The following CNGB3 variants were observed in gnomAD, a reference collection of about 807,000 sequenced individuals.
The protein encoded by CNGB3 is cyclic nucleotide-gated channel beta-3.
Under a neutral mutation model 92.8 loss-of-function variants are expected in CNGB3, and 86 were observed. The observed-to-expected ratio is 0.93, with a 90% CI of 0.78 to 1.11. The LOEUF (loss-of-function observed/expected upper bound fraction) is 1.11, where lower values mean the gene tolerates loss of function less well. Among genes scored for constraint, CNGB3 ranks in the 50% least tolerant of loss-of-function variants. The pLI is 0.00. For synonymous variants in CNGB3, 333 were observed against 332.7 expected (o/e 1.00, Z -0.01); for missense variants, 1,026 against 956.8 (o/e 1.07, Z -0.95).
At position 86,579,187 on chromosome 8, in the gene CNGB3, A is replaced by C; in HGVS notation, c.1847T>G (p.Leu616Arg). ...GAGGGTCTTTTTGTCTAGAGTTAAA[A>C]GATTGGCAAACCCGTGGGCCACCAC... ...ANVVAHGFAN[L>R]LTLDKKTLQE... Residue 616 changes from leucine to arginine, a missense_variant, in exon 16 of 18, where the codon CTT (leucine) becomes CGT (arginine). By Grantham distance (102) the Leu-to-Arg change is moderately radical (BLOSUM62 -2). Coordinates refer to ENST00000320005, the MANE Select transcript of CNGB3 (RefSeq NM_019098.5). The C allele has an allele frequency of 6.2e-7, 1 of 1,614,210 alleles. No homozygotes were observed. The highest frequency in any genetic ancestry group is 1.1e-5 in the South Asian group (1 of 91,088).
intron 10 of CNGB3, among the ~76,000 whole-genome samples, chr8:86,641,955 A>G (rs1823196390): frequency 6.6e-6 from 1 of 151,984 alleles, no homozygotes; most frequent in East Asian, 1.9e-4. Flanking sequence ...ACACTAGCAC[A>G]CTTGAAGTTT....
At chr8:86,697,676 T>C (rs1824473736) in intron 3 of CNGB3, among the ~76,000 whole-genome samples, 1 of 152,256 alleles carries the variant, frequency 6.6e-6, no homozygotes, top group South Asian at 2.1e-4. Context: ...AGTTCTAGGG[T>C]ACATGTGCAC....
chr8:86,661,527 G>C, intron 6 of CNGB3: 1 of 673,822 alleles, frequency 1.5e-6, no homozygotes, highest in Admixed American at 1.9e-5. Context: ...ACATTTAAAT[G>C]GCCTTGACTT....
At position 86,656,723 on chromosome 8, in the gene CNGB3, A is replaced by AC. The variant is rs554206482; in HGVS notation, c.853-2662dup. ...GTATTTACCTCTTCTTTCTGCTCCC[A>AC]CCCCCCCAACCAAAATGGCTAAATC... On this transcript the variant is annotated intron_variant, in intron 6 of 17. Coordinates refer to ENST00000320005, the MANE Select transcript of CNGB3 (RefSeq NM_019098.5). Among the ~76,000 whole-genome samples the AC allele has an allele frequency of 1.7e-4, 26 of 151,660 alleles. No homozygotes were observed. In the South Asian group the frequency reaches 1.9e-3, roughly 11 times the overall value.
chr8:86,704,557 A>G (rs1178676086), intron 3 of CNGB3, among the ~76,000 whole-genome samples: 2 of 152,176 alleles, frequency 1.3e-5, no homozygotes, highest in Non-Finnish European at 2.9e-5. Context: ...CAATGCTCTG[A>G]AGGACTTTCT....
chr8:86,581,757 A>G (rs549718832), intron 15 of CNGB3, among the ~76,000 whole-genome samples: 1 of 152,250 alleles, frequency 6.6e-6, no homozygotes, highest in Non-Finnish European at 1.5e-5. Context: ...AGTCTCCTAT[A>G]TAATACTAAC....
At chr8:86,618,979 A>G (rs1822671846) in intron 13 of CNGB3, among the ~76,000 whole-genome samples, 1 of 152,216 alleles carries the variant, frequency 6.6e-6, no homozygotes, top group Non-Finnish European at 1.5e-5. Context: ...TCTCTTTGCC[A>G]CAGAATCGCA....
intron 15 of CNGB3, among the ~76,000 whole-genome samples, chr8:86,595,247 G>A (rs1822144025): frequency 6.6e-6 from 1 of 152,196 alleles, no homozygotes; most frequent in Non-Finnish European, 1.5e-5. Flanking sequence ...TGGATATTAG[G>A]AAAAATAAGG....
At position 86,650,237 on chromosome 8, in the gene CNGB3, AT is replaced by A. The variant is rs534330965; in HGVS notation, c.904-2351del. ...ATAGTTTTCAGCTCAAATCATAATGATTTTTTTTACTTGCTTTCTATTCAAT... is the reference window on the plus strand; with the variant it reads ...ATAGTTTTCAGCTCAAATCATAATGATTTTTTTACTTGCTTTCTATTCAAT... On this transcript the variant is annotated intron_variant, in intron 7 of 17. Transcript: ENST00000320005. 1.2e-4 allele frequency among the ~76,000 whole-genome samples: 18 copies of A among 151,324 alleles called. No homozygotes were observed. In the East Asian group the frequency reaches 3.1e-3, roughly 26 times the overall value.
Position 86,575,686 on chromosome 8 carries a change from T to C in CNGB3, c.*118A>G. On this transcript the variant is annotated 3_prime_UTR_variant, in exon 18 of 18. Coordinates refer to ENST00000320005, the MANE Select transcript of CNGB3 (RefSeq NM_019098.5). ...TAAGTCCTAGAAACTAAGCTAGGGATTTGCCTTTCGTTTCTCAAGGGTCCC... is the reference window on the plus strand; with the variant it reads ...TAAGTCCTAGAAACTAAGCTAGGGACTTGCCTTTCGTTTCTCAAGGGTCCC... The C allele has an allele frequency of 1.3e-6, 1 of 798,646 alleles. No homozygotes were observed. The highest frequency in any genetic ancestry group is 2.0e-6 in the Non-Finnish European group (1 of 492,698). The allele number at this position is 798,646 out of a possible 1,614,324, so 49.5% of individuals were successfully genotyped here. A position where few individuals can be genotyped will look rare whatever the true frequency, so the allele number is the denominator to read the frequency against.
chr8:86,648,412 CT>C (rs1823331586), intron 7 of CNGB3, among the ~76,000 whole-genome samples: 1 of 150,886 alleles, frequency 6.6e-6, no homozygotes, highest in South Asian at 2.1e-4. Flanking sequence ...CAATAAACTG[CT>C]TTAAAAGTAT....
At chr8:86,660,992 A>G (rs185545137) in intron 6 of CNGB3, among the ~76,000 whole-genome samples, 145 of 152,188 alleles carry the variant, frequency 9.5e-4, no homozygotes, top group Non-Finnish European at 1.8e-3. Flanking sequence ...CATTTCAGCC[A>G]TTTACCTCTC....
chr8:86,580,421 A>C (rs1821740988), intron 15 of CNGB3, among the ~76,000 whole-genome samples: 1 of 152,176 alleles, frequency 6.6e-6, no homozygotes, highest in Non-Finnish European at 1.5e-5. Flanking sequence ...GCTCTGGCTG[A>C]TACAACTCTC....
At chr8:86,638,828 G>GT (rs112127539) in intron 10 of CNGB3, among the ~76,000 whole-genome samples, 1,760 of 146,212 alleles carry the variant, frequency 0.012, 27 homozygotes, top group African/African-American at 0.037. Flanking sequence ...TTTGCTCTGG[G>GT]TTTTTTTTTT....
intron 15 of CNGB3, among the ~76,000 whole-genome samples, chr8:86,582,788 G>T (rs1821814888): frequency 6.6e-6 from 1 of 152,116 alleles, no homozygotes. Context: ...AAAACAGAGG[G>T]AATCAATTGC....
intron 7 of CNGB3, among the ~76,000 whole-genome samples, chr8:86,651,866 T>C (rs1005415307): frequency 6.6e-6 from 1 of 151,990 alleles, no homozygotes; most frequent in African/African-American, 2.4e-5. Flanking sequence ...AATGATCAGG[T>C]ACAAAAATAC....
chr8:86,681,619 C>T (rs931446639), intron 3 of CNGB3, among the ~76,000 whole-genome samples: 1 of 152,120 alleles, frequency 6.6e-6, no homozygotes, highest in Admixed American at 6.6e-5. Context: ...AAGAGGTCAC[C>T]AGCGGTGAGT....
At chr8:86,587,428 A>C (rs1413462366) in intron 15 of CNGB3, among the ~76,000 whole-genome samples, 1 of 152,098 alleles carries the variant, frequency 6.6e-6, no homozygotes, top group Non-Finnish European at 1.5e-5. Context: ...TATGTCCTGA[A>C]TGGTAATGCC....
Position 86,666,950 on chromosome 8 carries a change from TGGAGTCTG to T in CNGB3, c.819_826del (p.Arg274ValfsTer13), listed in dbSNP as rs775796581. 5.6e-5 allele frequency: 91 copies of T among 1,612,762 alleles called. No homozygotes were observed. The highest frequency in any genetic ancestry group is 7.4e-5 in the Non-Finnish European group (87 of 1,179,972). On this transcript the variant is annotated frameshift_variant, in exon 6 of 18. Transcript: ENST00000320005. LOFTEE classifies it high-confidence loss of function. ...TATTATGTCTCCTCCTCTTACAAACTGGAGTCTGGGCTGGATAAATAGCATATCATAAA... is the reference window on the plus strand; with the variant it reads ...TATTATGTCTCCTCCTCTTACAAACTGGCTGGATAAATAGCATATCATAAA...
Sources: allele counts gnomAD v4.1 joint callset (sites outside exome capture counted in the v4.1 genomes callset), GRCh38; gene constraint gnomAD v4.1.1; transcripts MANE v1.5; gene names NCBI Gene and HGNC (gene_info 2026-07-23, HGNC 2026-07-21).